ST3GAL3: variants seen among roughly 807,000 people sequenced by gnomAD.
ST3GAL3 encodes the protein ST3 beta-galactoside alpha-2,3-sialyltransferase 3, also known as CMP-N-acetylneuraminate-beta-1,4-galactoside alpha-2,3-sialyltransferase.
A neutral mutation model predicts 50.1 loss-of-function variants in ST3GAL3; 21 were observed. The ratio of observed to expected loss-of-function variants is 0.42; its 90% CI spans 0.30 to 0.60. The LOEUF (loss-of-function observed/expected upper bound fraction) is 0.60, where lower values mean the gene tolerates loss of function less well. Ranked by LOEUF, ST3GAL3 falls within the 20% of genes least tolerant of loss-of-function variation. The probability of loss-of-function intolerance (pLI) is 0.19; values close to 1 mark genes in which losing one functional copy is unlikely to be tolerated. For missense variants in ST3GAL3, 353 were observed against 489.4 expected (o/e 0.72, Z 2.63); for synonymous variants, 183 against 190.0 (o/e 0.96, Z 0.30).
rs568200785 is a variant in ST3GAL3, at chr1:43,708,423, G to C, written c.-31+730G>C. Among the ~76,000 whole-genome samples the C allele has an allele frequency of 3.2e-3, 487 of 152,296 alleles. 2 individuals are homozygous for C. Among genetic ancestry groups the C allele is most frequent in the African/African-American group, 0.011 (465 of 41,558 alleles). ...ACCAGTGAAGGCGGCTATTACCTCA[G>C]AAAGTAAAATACTCAAACTTTTCAG... On this transcript the variant is annotated intron_variant, in intron 1 of 11. Transcript: ENST00000347631.
At chr1:43,824,970 T>C (rs2062597275) in intron 4 of ST3GAL3, 2 of 713,548 alleles carry the variant, frequency 2.8e-6, no homozygotes, top group Non-Finnish European at 2.6e-6. Context: ...AAGTCTCCAC[T>C]TCCCCAGGTA....
chr1:43,826,866 TA>T (rs1245322257), intron 4 of ST3GAL3, among the ~76,000 whole-genome samples: 8 of 152,160 alleles, frequency 5.3e-5, no homozygotes, highest in African/African-American at 7.2e-5. Flanking sequence ...TCCATAGATG[TA>T]AAAAAACCAT....
chr1:43,834,285 C>CA (rs1200875000), intron 4 of ST3GAL3, among the ~76,000 whole-genome samples: 1 of 152,194 alleles, frequency 6.6e-6, no homozygotes, highest in Admixed American at 6.5e-5. Flanking sequence ...CCTCAAAAAA[C>CA]ACTTTACCCT....
At chr1:43,784,306 C>G (rs1161569207) in intron 2 of ST3GAL3, among the ~76,000 whole-genome samples, 1 of 152,008 alleles carries the variant, frequency 6.6e-6, no homozygotes, top group Non-Finnish European at 1.5e-5. Context: ...GTCAGGAGTT[C>G]GAGACCAGCC....
chr1:43,764,967 TG>T (rs1692009541), intron 2 of ST3GAL3, among the ~76,000 whole-genome samples: 2 of 152,268 alleles, frequency 1.3e-5, no homozygotes, highest in African/African-American at 4.8e-5. Context: ...TAGACAGAAT[TG>T]CTTTGAAGCA....
At chr1:43,847,397 G>T (rs895761033) in intron 5 of ST3GAL3, among the ~76,000 whole-genome samples, 7 of 152,196 alleles carry the variant, frequency 4.6e-5, no homozygotes, top group African/African-American at 1.7e-4. Context: ...TTCATTGACA[G>T]ATGAAAGGAT....
At chr1:43,714,144 A>G (rs944758865) in intron 1 of ST3GAL3, among the ~76,000 whole-genome samples, 24 of 151,488 alleles carry the variant, frequency 1.6e-4, no homozygotes, top group African/African-American at 5.3e-4. Context: ...GGCGCCTGTA[A>G]TCCCAGCTAC....
chr1:43,871,030 G>T (rs1177694539), intron 5 of ST3GAL3, among the ~76,000 whole-genome samples: 1 of 152,084 alleles, frequency 6.6e-6, no homozygotes, highest in Non-Finnish European at 1.5e-5. Flanking sequence ...GTGCCTCCTA[G>T]GATTCATGTG....
rs74477746 is a variant in ST3GAL3, at chr1:43,808,819, C to G, written c.167-6072C>G. Reference sequence around the variant, plus strand: ...CTACCAGAATCTGGGGAAAGAACCACTGGAAGGGGGCAGCCAGGATAATCC... The same window carrying G: ...CTACCAGAATCTGGGGAAAGAACCAGTGGAAGGGGGCAGCCAGGATAATCC... On this transcript the variant is annotated intron_variant, in intron 3 of 11. Transcript: ENST00000347631. Among the ~76,000 whole-genome samples, 141 of 152,256 alleles carry G rather than the reference C, an allele frequency of 9.3e-4. 1 individual carries two copies. The East Asian group carries it at 0.026, about 28-fold the overall frequency.
rs149659923 is a variant in ST3GAL3, at chr1:43,746,002, A to G, written c.118+9622A>G. Among the ~76,000 whole-genome samples, 388 of 152,378 alleles carry G rather than the reference A, an allele frequency of 2.5e-3. 2 individuals are homozygous for G. Among genetic ancestry groups the G allele is most frequent in the African/African-American group, 8.8e-3 (367 of 41,588 alleles). On this transcript the variant is annotated intron_variant, in intron 2 of 11. Coordinates refer to ENST00000347631, the MANE Select transcript of ST3GAL3 (RefSeq NM_006279.5). ...TATTTCAGTACAATCACATTTCTAA[A>G]TACACTCTATGATATTTGCACAATG...
At chr1:43,732,979 A>G (rs1372580267) in intron 1 of ST3GAL3, among the ~76,000 whole-genome samples, 3 of 113,394 alleles carry the variant, frequency 2.6e-5, no homozygotes, top group Non-Finnish European at 3.8e-5. Flanking sequence ...CATAAAAAAT[A>G]CTTTTTTTTT....
At chr1:43,743,444 T>G (rs1387673098) in intron 2 of ST3GAL3, 1 of 353,552 alleles carries the variant, frequency 2.8e-6, no homozygotes, top group Non-Finnish European at 5.6e-6. Context: ...GCCCATGAAA[T>G]GCCAAGAGAG....
intron 2 of ST3GAL3, among the ~76,000 whole-genome samples, chr1:43,755,381 G>T (rs544868985): frequency 6.6e-6 from 1 of 152,192 alleles, no homozygotes; most frequent in Non-Finnish European, 1.5e-5. Context: ...TGAGACTATT[G>T]TAACTTATAT....
chr1:43,919,512 T>C (rs1204589945), intron 9 of ST3GAL3: 1 of 152,230 alleles, frequency 6.6e-6, no homozygotes, highest in African/African-American at 2.4e-5. Context: ...AAAAAGAGGA[T>C]GTATGGGTTG....
At chr1:43,863,507 G>C (rs2070532755) in intron 5 of ST3GAL3, among the ~76,000 whole-genome samples, 1 of 152,220 alleles carries the variant, frequency 6.6e-6, no homozygotes, top group Non-Finnish European at 1.5e-5. Context: ...CACAAGTCAA[G>C]TTCAAACAAA....
chr1:43,823,615 A>G (rs1006200761), intron 4 of ST3GAL3, among the ~76,000 whole-genome samples: 3 of 152,158 alleles, frequency 2.0e-5, no homozygotes, highest in East Asian at 1.9e-4. Context: ...CAGGGTATCT[A>G]TCACTCTCGG....
chr1:43,731,539 C>T (rs1558048085), intron 1 of ST3GAL3, among the ~76,000 whole-genome samples: 3 of 149,606 alleles, frequency 2.0e-5, no homozygotes, highest in African/African-American at 7.4e-5. Flanking sequence ...CGCCCGCCAC[C>T]ATGCCCGGCT....
intron 2 of ST3GAL3, among the ~76,000 whole-genome samples, chr1:43,779,494 A>G (rs923565352): frequency 6.6e-6 from 1 of 152,182 alleles, no homozygotes; most frequent in Non-Finnish European, 1.5e-5. Flanking sequence ...AGAGGCATTC[A>G]TTTTTAACTC....
chr1:43,811,056 T>A (rs1278268240), intron 3 of ST3GAL3, among the ~76,000 whole-genome samples: 2 of 152,158 alleles, frequency 1.3e-5, no homozygotes, highest in African/African-American at 4.8e-5. Context: ...ATCACAGACA[T>A]CTTCATTTTG....
Sources: gnomAD v4.1 joint callset for allele counts (sites outside exome capture counted in the v4.1 genomes callset) on GRCh38, gnomAD v4.1.1 for gene constraint, MANE v1.5 for transcripts, NCBI Gene and HGNC (gene_info 2026-07-23, HGNC 2026-07-21) for gene names.